TOPBP1: variants seen among roughly 807,000 people sequenced by gnomAD.
TOPBP1 encodes the protein DNA topoisomerase II binding protein 1, also known as DNA topoisomerase 2-binding protein 1.
In TOPBP1, 28 loss-of-function variants were observed where a neutral mutation model predicts 167.7. The ratio of observed to expected loss-of-function variants is 0.17; its 90% confidence interval spans 0.12 to 0.23. The LOEUF is 0.23. TOPBP1 is among the 10% of genes least tolerant of loss of function. TOPBP1 has a pLI of 1.00. For missense variants in TOPBP1, 1,554 were observed against 1,809.6 expected, an observed-to-expected ratio of 0.86 and a Z score of 2.56; for synonymous variants, 598 against 611.4, an observed-to-expected ratio of 0.98 and a Z score of 0.32.
At chr3:133,633,250 T>C (rs1463340724) in intron 14 of TOPBP1, among the ~76,000 whole-genome samples, 1 of 152,220 alleles carries the variant, frequency 6.6e-6, no homozygotes, top group African/African-American at 2.4e-5. Context: ...ACCTCCATCA[T>C]GCCACCAAAA....
At chr3:133,621,622 TG>T (rs1935090761) in intron 19 of TOPBP1, among the ~76,000 whole-genome samples, 3 of 152,194 alleles carry the variant, frequency 2.0e-5, no homozygotes, top group African/African-American at 7.2e-5. Context: ...TTTTGGTACC[TG>T]AGGTAAGTCC....
rs146661431 is a variant in TOPBP1 at position 133,653,294 on chromosome 3, T to C, written c.922+51A>G. On this transcript the variant is annotated intron_variant, in intron 7 of 27. Transcript: ENST00000260810. ...TCCTATTAACATACTGATTATTACA[T>C]AGAAATATGACTGTCTTCAGAATAA... The C allele has an allele frequency of 1.2e-4, 181 of 1,464,462 alleles. No individual in the cohort carries two copies. The African/African-American group carries it at 2.3e-3, about 19-fold the overall frequency. The allele number at this position is 1,464,462 out of a possible 1,614,324, so 90.7% of individuals were successfully genotyped here. A position where few individuals can be genotyped will look rare whatever the true frequency, so the allele number is the denominator to read the frequency against.
chr3:133,642,917 A>G (rs1356653327), intron 12 of TOPBP1, among the ~76,000 whole-genome samples: 1 of 152,130 alleles, frequency 6.6e-6, no homozygotes, highest in African/African-American at 2.4e-5. Flanking sequence ...ACCTTACTTT[A>G]TTTGGTGTCA....
At chr3:133,620,126 T>C in intron 20 of TOPBP1, 29 bp downstream of exon 20, 1 of 1,573,738 alleles carries the variant, frequency 6.4e-7, no homozygotes, top group Non-Finnish European at 8.6e-7. Context: ...AGTCATCTAG[T>C]CTTTCTGCCA....
In TOPBP1 at chr3:133,655,343, A is replaced by T. The variant is rs1255368948; in HGVS notation, c.689T>A (p.Met230Lys). The T allele has an allele frequency of 1.3e-6, 2 of 1,597,424 alleles. No individual in the cohort carries two copies. The highest frequency in any genetic ancestry group is 2.7e-5 in the African/African-American group (2 of 73,894). Residue 230 changes from methionine (M) to lysine (K), a missense_variant, in exon 6 of 28, where the codon ATG becomes AAG. This residue lies in a region of TOPBP1 where 1,197 missense variants were observed against 1,351.5 expected (regional missense o/e 0.89). Transcript: ENST00000260810. ...ACATTCATTCATTTTCAATTGTCCC[A>T]TGTATTGACCTCCATGCTTAACTGT... ...QLTVKHGGQY[M>K]GQLKMNECTH...
chr3:133,617,038 G>T, intron 22 of TOPBP1, 113 bp from the exon 23 acceptor site: 1 of 1,328,574 alleles, frequency 7.5e-7, no homozygotes, highest in Middle Eastern at 1.9e-4. Context: ...TACAAATAAT[G>T]ATACAATGCA....
chr3:133,619,111 C>CAAAAAAAAAAAAAA (rs71136485), intron 20 of TOPBP1, among the ~76,000 whole-genome samples: 1 of 103,512 alleles, frequency 9.7e-6, no homozygotes, highest in East Asian at 3.1e-4. Flanking sequence ...TGTGGAGAAG[C>CAAAAAAAAAAAAAA]AAAAAAAAAA....
chr3:133,616,122 C>CTTCTCT (rs1553722207), intron 23 of TOPBP1, among the ~76,000 whole-genome samples: 2 of 141,280 alleles, frequency 1.4e-5, no homozygotes, highest in African/African-American at 5.2e-5. Flanking sequence ...TTTCTTTTCC[C>CTTCTCT]TTTTTTTTTT....
At chr3:133,626,689 G>C (rs1028651535) in intron 16 of TOPBP1, among the ~76,000 whole-genome samples, 1 of 152,116 alleles carries the variant, frequency 6.6e-6, no homozygotes, top group Non-Finnish European at 1.5e-5. Context: ...GTATACAAAC[G>C]TATTAATACT....
chr3:133,623,959 A>G, intron 17 of TOPBP1, 93 bp downstream of exon 17: 5 of 1,436,338 alleles, frequency 3.5e-6, no homozygotes, highest in Non-Finnish European at 4.6e-6. Context: ...TTCTAGTTCC[A>G]TTGAGAGTGA....
chr3:133,639,447 G>A (rs780885435), intron 13 of TOPBP1, among the ~76,000 whole-genome samples: 49 of 152,056 alleles, frequency 3.2e-4, no homozygotes, highest in African/African-American at 1.9e-4. Flanking sequence ...GGGGCCTGTC[G>A]TAGGATGGGG....
intron 27 of TOPBP1, among the ~76,000 whole-genome samples, chr3:133,604,297 G>C (rs952887945): frequency 6.6e-6 from 1 of 151,350 alleles, no homozygotes; most frequent in Non-Finnish European, 1.5e-5. Context: ...ACCACACCCC[G>C]CTAATTTTTT....
rs775047644 is a variant in TOPBP1 at position 133,659,159 on chromosome 3, AAAAAT to A, written c.85-14_85-10del. On this transcript the variant is annotated splice_polypyrimidine_tract_variant and intron_variant, in intron 2 of 27. Transcript: ENST00000260810. ...TGGAATTCTTTTATGGACTGAAAGA[AAAAAT>A]AAAATAAGAATGTACCTGAAATTAC... 9 of 1,546,288 alleles carry A rather than the reference AAAAAT, an allele frequency of 5.8e-6. No homozygotes were observed. The East Asian group carries it at 1.6e-4, about 28-fold the overall frequency.
rs1936491326 is a variant in TOPBP1, at chr3:133,656,802, T to C, written c.419A>G (p.Asn140Ser). The stretch of plus-strand genomic sequence containing the variant: ...TGCAATAAGGTGAGTTACTGATACA[T>C]TAAGGTCTCTGTATACTCGTCCGCC... Reference protein sequence around the residue: ...MMGGRVYRDLNVSVTHLIAGE... With the variant: ...MMGGRVYRDLSVSVTHLIAGE... Residue 140 changes from asparagine (N) to serine (S), a missense_variant, in exon 5 of 28, where the codon AAT becomes AGT. Asn to Ser is a conservative substitution (Grantham distance 46, BLOSUM62 1). Around this residue, in one of 3 missense-constraint regions of TOPBP1, gnomAD observed 1,197 missense variants for 1,351.5 expected, o/e 0.89. Transcript: ENST00000260810. 1.9e-6 allele frequency: 3 copies of C among 1,612,406 alleles called. No homozygotes were observed. Among genetic ancestry groups the C allele is most frequent in the African/African-American group, 2.7e-5 (2 of 74,856 alleles).
chr3:133,615,177 A>G (rs1464513673), intron 23 of TOPBP1, among the ~76,000 whole-genome samples: 1 of 152,174 alleles, frequency 6.6e-6, no homozygotes, highest in East Asian at 1.9e-4. Context: ...ACTATTAAGA[A>G]CCATTATTTT....
rs530015373 is a variant in TOPBP1 at position 133,600,874 on chromosome 3, T to A, written c.*376A>T. 5.9e-6 allele frequency: 1 copy of A among 168,752 alleles called. No homozygotes were observed. Among genetic ancestry groups the A allele is most frequent in the East Asian group, 1.9e-4 (1 of 5,376 alleles). The allele number at this position is 168,752 out of a possible 1,614,324, so 10.5% of individuals were successfully genotyped here. On this transcript the variant is annotated 3_prime_UTR_variant, in exon 28 of 28. Transcript: ENST00000260810. Reference sequence around the variant, plus strand: ...ACATGAATAAATGCTGACTGACAAATCTTGTTGTTATGAATTTGTAAGGCA... The same window carrying A: ...ACATGAATAAATGCTGACTGACAAAACTTGTTGTTATGAATTTGTAAGGCA...
chr3:133,635,821 C>T (rs79087968), intron 14 of TOPBP1, among the ~76,000 whole-genome samples: 123 of 152,122 alleles, frequency 8.1e-4, no homozygotes, highest in African/African-American at 2.9e-3. Context: ...CCAAGAGACA[C>T]GCACAAGAAT....
At chr3:133,631,963 G>A (rs1935500566) in intron 14 of TOPBP1, among the ~76,000 whole-genome samples, 1 of 151,732 alleles carries the variant, frequency 6.6e-6, no homozygotes, top group Admixed American at 6.6e-5. Context: ...AAAAGTGTGT[G>A]GCATCTCCCC....
chr3:133,623,525 G>C, intron 17 of TOPBP1, 68 bp from the exon 18 acceptor site: 1 of 1,495,028 alleles, frequency 6.7e-7, no homozygotes, highest in South Asian at 1.4e-5. Context: ...TGTTAAGTAG[G>C]ATAAGGACAA....
Sources: gnomAD v4.1 joint callset for allele counts (sites outside exome capture counted in the v4.1 genomes callset) on GRCh38, gnomAD v4.1.1 for gene constraint, gnomAD v4.1.1 regional missense constraint, MANE v1.5 for transcripts, NCBI Gene and HGNC (gene_info 2026-07-23, HGNC 2026-07-21) for gene names.